The following TESK2 variants were observed in gnomAD, a reference collection of about 807,000 sequenced individuals.
TESK2 encodes testis associated actin remodelling kinase 2.
A neutral mutation model predicts 57.1 loss-of-function variants in TESK2; 39 were observed. The observed-to-expected ratio is 0.68, with a 90% CI of 0.53 to 0.89. The LOEUF is 0.89. Ranked by LOEUF, TESK2 falls within the 40% of genes least tolerant of loss-of-function variation. The pLI is 0.00. For synonymous variants in TESK2, 249 were observed against 267.9 expected (o/e 0.93, Z 0.69); for missense variants, 646 against 732.1 (o/e 0.88, Z 1.36).
intron 2 of TESK2, among the ~76,000 whole-genome samples, chr1:45,429,407 A>T (rs1182382499): frequency 1.3e-5 from 2 of 151,858 alleles, no homozygotes; most frequent in Non-Finnish European, 2.9e-5. Flanking sequence ...AAAACAGATT[A>T]AAAAAAAATT....
intron 1 of TESK2, among the ~76,000 whole-genome samples, chr1:45,470,185 A>C (rs1405372604): frequency 6.6e-6 from 1 of 152,228 alleles, no homozygotes; most frequent in African/African-American, 2.4e-5. Context: ...CACCTAATCC[A>C]GAATAAATTA....
intron 2 of TESK2, among the ~76,000 whole-genome samples, chr1:45,434,128 G>A (rs1289109093): frequency 6.6e-6 from 1 of 151,666 alleles, no homozygotes; most frequent in Non-Finnish European, 1.5e-5. Flanking sequence ...TGAATAGCTG[G>A]GACTACAGGC....
chr1:45,383,637 ATGT>A (rs1648747383), intron 4 of TESK2, among the ~76,000 whole-genome samples: 1 of 152,230 alleles, frequency 6.6e-6, no homozygotes, highest in South Asian at 2.1e-4. Flanking sequence ...ATTTTAAAGG[ATGT>A]TCTTCTCTGT....
intron 2 of TESK2, among the ~76,000 whole-genome samples, chr1:45,426,448 A>G (rs1282058457): frequency 1.3e-5 from 2 of 152,222 alleles, no homozygotes; most frequent in Non-Finnish European, 2.9e-5. Flanking sequence ...ATATGCAAAA[A>G]TCTAATCAAA....
intron 2 of TESK2, among the ~76,000 whole-genome samples, chr1:45,447,456 T>A (rs2149296088): frequency 6.6e-6 from 1 of 152,148 alleles, no homozygotes; most frequent in South Asian, 2.1e-4. Flanking sequence ...CATCTCCACA[T>A]CTTGTCTCAA....
rs543373366 is a variant in TESK2, at chr1:45,444,042, G to T, written c.222+13522C>A. Among the ~76,000 whole-genome samples, 4 of 152,174 alleles carry T rather than the reference G, an allele frequency of 2.6e-5. No individual in the cohort carries two copies. In the East Asian group the frequency reaches 7.7e-4, roughly 29 times the overall value. ...AAAAATTTAAAAATTAGCCGGGTGT[G>T]GTGGCACATGCCTGCAGTCCTATCT... On this transcript the variant is annotated intron_variant, in intron 2 of 10. Transcript: ENST00000372086.
chr1:45,445,912 G>A (rs1323438537), intron 2 of TESK2, among the ~76,000 whole-genome samples: 2 of 151,754 alleles, frequency 1.3e-5, no homozygotes, highest in African/African-American at 4.8e-5. Flanking sequence ...AAATTTTAAA[G>A]GTCAAATTTT....
chr1:45,403,491 T>A (rs1396736348), intron 3 of TESK2, among the ~76,000 whole-genome samples: 1 of 152,148 alleles, frequency 6.6e-6, no homozygotes, highest in East Asian at 1.9e-4. Context: ...TCACATCAGG[T>A]GACACTAAGC....
intron 4 of TESK2, among the ~76,000 whole-genome samples, chr1:45,369,677 C>T (rs1016864800): frequency 4.0e-5 from 6 of 150,510 alleles, no homozygotes; most frequent in Non-Finnish European, 7.4e-5. Flanking sequence ...GGGAAATAAG[C>T]GGACTCTGAG....
At chr1:45,416,227 C>T (rs575234794) in intron 3 of TESK2, among the ~76,000 whole-genome samples, 112 of 151,536 alleles carry the variant, frequency 7.4e-4, no homozygotes, top group African/African-American at 1.9e-3. Flanking sequence ...GGGCTACAGG[C>T]GCACACCACC....
At chr1:45,378,721 T>C (rs768342031) in intron 4 of TESK2, among the ~76,000 whole-genome samples, 4 of 152,166 alleles carry the variant, frequency 2.6e-5, no homozygotes, top group African/African-American at 7.2e-5. Flanking sequence ...TAACAATAGA[T>C]CATGGGAGCA....
intron 4 of TESK2, among the ~76,000 whole-genome samples, chr1:45,356,942 C>T (rs1480580813): frequency 1.3e-5 from 2 of 152,024 alleles, no homozygotes; most frequent in Non-Finnish European, 2.9e-5. Flanking sequence ...GCCTGTAATC[C>T]TAGCACTTTG....
intron 3 of TESK2, among the ~76,000 whole-genome samples, chr1:45,405,955 G>T (rs1444586450): frequency 6.6e-6 from 1 of 152,190 alleles, no homozygotes; most frequent in Non-Finnish European, 1.5e-5. Flanking sequence ...GGTTGCAGTG[G>T]CTCACACCTG....
chr1:45,406,559 G>A (rs964127914), intron 3 of TESK2, among the ~76,000 whole-genome samples: 1 of 152,086 alleles, frequency 6.6e-6, no homozygotes, highest in Non-Finnish European at 1.5e-5. Context: ...GAAGGCTGAG[G>A]CAGGAGGATC....
At chr1:45,480,998 TAA>T (rs1028149850) in intron 1 of TESK2, among the ~76,000 whole-genome samples, 26 of 150,302 alleles carry the variant, frequency 1.7e-4, no homozygotes, top group African/African-American at 6.1e-4. Flanking sequence ...AAAAAAATAA[TAA>T]TATATATAAC....
At chr1:45,482,600 TAA>T (rs34879699) in intron 1 of TESK2, among the ~76,000 whole-genome samples, 6,750 of 137,276 alleles carry the variant, frequency 0.049, 513 homozygotes, top group African/African-American at 0.16. Context: ...GGTCAGCCAT[TAA>T]AAAAAAAAAA....
intron 4 of TESK2, among the ~76,000 whole-genome samples, chr1:45,377,069 A>G (rs984878488): frequency 1.3e-5 from 2 of 151,978 alleles, no homozygotes; most frequent in African/African-American, 4.8e-5. Flanking sequence ...AAAATGTAAA[A>G]ATTAGCTGGG....
At chr1:45,416,059 T>C (rs1389215013) in intron 3 of TESK2, among the ~76,000 whole-genome samples, 1 of 141,238 alleles carries the variant, frequency 7.1e-6, no homozygotes, top group East Asian at 2.2e-4. Context: ...ATTGGACACC[T>C]CTAATCTAGA....
intron 4 of TESK2, among the ~76,000 whole-genome samples, chr1:45,378,634 CT>C (rs1648530298): frequency 6.6e-6 from 1 of 152,188 alleles, no homozygotes; most frequent in Non-Finnish European, 1.5e-5. Flanking sequence ...CAGGAAAGCC[CT>C]TCTGCATACC....
Sources: allele counts gnomAD v4.1 joint callset (sites outside exome capture counted in the v4.1 genomes callset), GRCh38; gene constraint gnomAD v4.1.1; transcripts MANE v1.5; gene names NCBI Gene and HGNC (gene_info 2026-07-23, HGNC 2026-07-21).